Variants in KIRREL3 observed in about 807,000 individuals in gnomAD.
KIRREL3 encodes the protein kirre like nephrin family adhesion molecule 3.
Under a neutral mutation model 89.7 loss-of-function variants are expected in KIRREL3, and 36 were observed. That is an observed-to-expected ratio of 0.40 (90% confidence interval 0.31 to 0.53). KIRREL3 has a LOEUF of 0.53. Among genes scored for constraint, KIRREL3 ranks in the 20% least tolerant of loss-of-function variants. KIRREL3 has a pLI of 0.49. For missense variants in KIRREL3, 864 were observed against 1,056.6 expected (o/e 0.82, Z 2.53); for synonymous variants, 445 against 441.4 (o/e 1.01, Z -0.10).
intron 1 of KIRREL3, among the ~76,000 whole-genome samples, chr11:126,956,277 G>A (rs1948919557): frequency 6.6e-6 from 1 of 152,172 alleles, no homozygotes; most frequent in Non-Finnish European, 1.5e-5. Context: ...TTTTCCTAGA[G>A]ACTCCGCTCA....
chr11:126,813,829 A>G (rs1672949887), intron 1 of KIRREL3, among the ~76,000 whole-genome samples: 1 of 152,182 alleles, frequency 6.6e-6, no homozygotes, highest in South Asian at 2.1e-4. Context: ...AATCTAGGCA[A>G]TACCATTCAG....
At chr11:126,770,779 G>C (rs1949995774) in intron 1 of KIRREL3, among the ~76,000 whole-genome samples, 1 of 152,176 alleles carries the variant, frequency 6.6e-6, no homozygotes, top group Non-Finnish European at 1.5e-5. Context: ...GCAGGGAAGG[G>C]AACTGAAAAT....
chr11:126,436,034 CA>C (rs1955318483), intron 12 of KIRREL3, among the ~76,000 whole-genome samples: 1 of 152,226 alleles, frequency 6.6e-6, no homozygotes, highest in Non-Finnish European at 1.5e-5. Flanking sequence ...CGTGCCCCTC[CA>C]AGGCTCCCCA....
chr11:126,932,353 TC>T (rs1423311788), intron 1 of KIRREL3, among the ~76,000 whole-genome samples: 3 of 152,180 alleles, frequency 2.0e-5, no homozygotes, highest in African/African-American at 7.2e-5. Context: ...ACGGAGGTTT[TC>T]GGCCCGCACA....
In KIRREL3 at chr11:126,677,688, G is replaced by C. The variant is rs971988224; in HGVS notation, c.56-114776C>G. On this transcript the variant is annotated intron_variant, in intron 1 of 16. Transcript: ENST00000525144. This position sits in a 1 kb window ranked among gnomAD's most constrained non-coding sequence, Gnocchi z 5.1. ...AAGACAGAAAATCCACCAGCAGCTCGCACGAGTGGGTCCTCCCAGAATGAG... is the reference window on the plus strand; with the variant it reads ...AAGACAGAAAATCCACCAGCAGCTCCCACGAGTGGGTCCTCCCAGAATGAG... Among the ~76,000 whole-genome samples, 1 of 152,140 alleles carries C rather than the reference G, an allele frequency of 6.6e-6. No individual in the cohort carries two copies. The highest frequency in any genetic ancestry group is 2.4e-5 in the African/African-American group (1 of 41,428).
At chr11:126,831,688 C>T (rs1359147334) in intron 1 of KIRREL3, among the ~76,000 whole-genome samples, 6 of 152,148 alleles carry the variant, frequency 3.9e-5, no homozygotes, top group Non-Finnish European at 7.4e-5. Flanking sequence ...TCACTTACAA[C>T]AGAAAATATG....
intron 1 of KIRREL3, among the ~76,000 whole-genome samples, chr11:126,650,281 C>G (rs1373271237): frequency 6.6e-6 from 1 of 152,244 alleles, no homozygotes; most frequent in African/African-American, 2.4e-5. Flanking sequence ...CATTCGACTC[C>G]TCATTACTTA....
intron 7 of KIRREL3, among the ~76,000 whole-genome samples, chr11:126,452,574 A>AAGCTCTCG (rs1348861988): frequency 1.3e-5 from 2 of 152,140 alleles, no homozygotes; most frequent in African/African-American, 4.8e-5. Flanking sequence ...CTTCCTGGAG[A>AAGCTCTCG]AGCTCTCGCC....
rs142933357 is a variant in KIRREL3 at position 126,694,281 on chromosome 11, T to C, written c.56-131369A>G. Among the ~76,000 whole-genome samples the C allele has an allele frequency of 2.1e-3, 318 of 152,342 alleles. 1 individual carries two copies. Among genetic ancestry groups the C allele is most frequent in the African/African-American group, 7.3e-3 (304 of 41,576 alleles). On this transcript the variant is annotated intron_variant, in intron 1 of 16. Transcript: ENST00000525144. The surrounding 1 kb of genome is among the most constrained non-coding windows in gnomAD (Gnocchi z 4.4). ...TGGAAATGCTCACTGCAAATGGTTG[T>C]TCTTGTTTTATTGCTTATTTATGGG...
intron 1 of KIRREL3, among the ~76,000 whole-genome samples, chr11:126,632,497 C>A (rs1391540206): frequency 6.6e-6 from 1 of 152,176 alleles, no homozygotes; most frequent in African/African-American, 2.4e-5. Context: ...CGGAGGAAGG[C>A]AGCACTGAAT....
intron 4 of KIRREL3, among the ~76,000 whole-genome samples, chr11:126,511,536 TC>T (rs1958221889): frequency 6.6e-6 from 1 of 152,178 alleles, no homozygotes; most frequent in South Asian, 2.1e-4. Context: ...TAGTCTTGGC[TC>T]CCGGCTCATG....
Position 126,709,402 on chromosome 11 carries a change from G to A in KIRREL3, c.56-146490C>T, listed in dbSNP as rs1947668049. On this transcript the variant is annotated intron_variant, in intron 1 of 16. Transcript: ENST00000525144. This position sits in a 1 kb window ranked among gnomAD's most constrained non-coding sequence, Gnocchi z 4.0. ...GATGCAGCCAAACAGGAAAGACAGA[G>A]TTCACACCTAACTGGCTAAAGTACA... is the stretch of plus-strand genomic sequence containing the variant. Among the ~76,000 whole-genome samples, 1 of 152,208 alleles carries A rather than the reference G, an allele frequency of 6.6e-6. No homozygotes were observed. Among genetic ancestry groups the A allele is most frequent in the Admixed American group, 6.5e-5 (1 of 15,282 alleles).
chr11:126,488,158 A>G lies in KIRREL3; in HGVS notation c.434-14692T>C, dbSNP rs184161343. 2.0e-5 allele frequency among the ~76,000 whole-genome samples: 3 copies of G among 152,268 alleles called. No homozygotes were observed. The East Asian group carries it at 5.8e-4, about 29-fold the overall frequency. On this transcript the variant is annotated intron_variant, in intron 4 of 16. Transcript: ENST00000525144. ...TCCTATGTTCATCTGAGACCTATTC[A>G]CCGGGGCAGGGAGGGACTCCTCATC...
rs374806291 is a variant in KIRREL3 at position 126,812,150 on chromosome 11, A to C, written c.55+188305T>G. Among the ~76,000 whole-genome samples, 11 of 152,206 alleles carry C rather than the reference A, an allele frequency of 7.2e-5. No homozygotes were observed. Among genetic ancestry groups the C allele is most frequent in the African/African-American group, 2.7e-4 (11 of 41,446 alleles). ...TTAAGGAAACTGCTTGCCATTTGCTACTATTTAACCCATTCTTTCTATTGT... is the reference window on the plus strand; with the variant it reads ...TTAAGGAAACTGCTTGCCATTTGCTCCTATTTAACCCATTCTTTCTATTGT... On this transcript the variant is annotated intron_variant, in intron 1 of 16. Transcript: ENST00000525144. The surrounding 1 kb of genome is among the most constrained non-coding windows in gnomAD (Gnocchi z 5.2).
rs1004273807 is a variant in KIRREL3, at chr11:126,689,086, T to C, written c.56-126174A>G. ...AGAGAGAGAGAGAGAGAGAGAGTAT[T>C]GTAATAACGTATTGAGCATGAGCTG... On this transcript the variant is annotated intron_variant, in intron 1 of 16. Transcript: ENST00000525144. The surrounding 1 kb of genome is among the most constrained non-coding windows in gnomAD (Gnocchi z 5.2). Among the ~76,000 whole-genome samples, 92 of 135,082 alleles carry C rather than the reference T, an allele frequency of 6.8e-4. No homozygotes were observed. The highest frequency in any genetic ancestry group is 2.7e-3 in the African/African-American group (92 of 34,058). The allele number at this position is 135,082 out of a possible 152,430, so 88.6% of individuals were successfully genotyped here.
In KIRREL3 at chr11:126,474,873, AG is replaced by A. The variant is rs1957021570; in HGVS notation, c.434-1408del. On this transcript the variant is annotated intron_variant, in intron 4 of 16. Transcript: ENST00000525144. The surrounding 1 kb of genome is among the most constrained non-coding windows in gnomAD (Gnocchi z 6.7). ...ATCTGAAGTACCTTGCCTAGGACAC[AG>A]GGCCTTTCCCATGCTTGTGCTTGGG... 6.6e-6 allele frequency among the ~76,000 whole-genome samples: 1 copy of A among 152,182 alleles called. No individual in the cohort carries two copies. Among genetic ancestry groups the A allele is most frequent in the Non-Finnish European group, 1.5e-5 (1 of 68,032 alleles).
intron 1 of KIRREL3, among the ~76,000 whole-genome samples, chr11:126,743,025 C>T (rs1949030043): frequency 6.6e-6 from 1 of 152,212 alleles, no homozygotes; most frequent in African/African-American, 2.4e-5. Context: ...AGGACCTCCT[C>T]AGAGAGAAGA....
chr11:126,442,278 A>C (rs984501909), intron 10 of KIRREL3, among the ~76,000 whole-genome samples: 2 of 140,594 alleles, frequency 1.4e-5, no homozygotes, highest in African/African-American at 2.7e-5. Flanking sequence ...AAAAACAAAA[A>C]AAAAACAAAA....
chr11:126,870,119 G>C lies in KIRREL3; in HGVS notation c.55+130336C>G, dbSNP rs1267314282. ...TGAATCAGGGGCCCATGAGCACTGTGATTAATGACCAGGAGTGAGTGTGGG... is the reference window on the plus strand; with the variant it reads ...TGAATCAGGGGCCCATGAGCACTGTCATTAATGACCAGGAGTGAGTGTGGG... On this transcript the variant is annotated intron_variant, in intron 1 of 16. Coordinates refer to ENST00000525144, the MANE Select transcript of KIRREL3 (RefSeq NM_032531.4). This position sits in a 1 kb window ranked among gnomAD's most constrained non-coding sequence, Gnocchi z 4.4. Among the ~76,000 whole-genome samples, 4 of 152,200 alleles carry C rather than the reference G, an allele frequency of 2.6e-5. No homozygotes were observed. Among genetic ancestry groups the C allele is most frequent in the African/African-American group, 7.2e-5 (3 of 41,450 alleles).
Sources: allele counts gnomAD v4.1 joint callset (sites outside exome capture counted in the v4.1 genomes callset), GRCh38; gene constraint gnomAD v4.1.1; non-coding constraint Gnocchi (gnomAD v3.1); transcripts MANE v1.5; gene names NCBI Gene and HGNC (gene_info 2026-07-23, HGNC 2026-07-21).